Variants in ZSCAN5A observed in about 807,000 individuals in gnomAD.
The protein encoded by ZSCAN5A is zinc finger and SCAN domain containing 5A.
ZSCAN5A carries 12 observed loss-of-function variants against 23.7 expected under a neutral mutation model. That is an observed-to-expected ratio of 0.51 (90% confidence interval 0.32 to 0.82). The LOEUF (loss-of-function observed/expected upper bound fraction) is 0.82. Among genes scored for constraint, ZSCAN5A ranks in the 40% least tolerant of loss-of-function variants. The pLI is 0.03. For missense variants in ZSCAN5A, 597 were observed against 617.9 expected, an observed-to-expected ratio of 0.97 and a Z score of 0.36; for synonymous variants, 257 against 239.9, an observed-to-expected ratio of 1.07 and a Z score of -0.66.
chr19:56,307,771 A>T (rs2040793910), intron 2 of ZSCAN5A, among the ~76,000 whole-genome samples: 1 of 152,246 alleles, frequency 6.6e-6, no homozygotes, highest in Non-Finnish European at 1.5e-5. Context: ...GTGAATAAAA[A>T]TTTCAGTCCA....
At chr19:56,239,048 G>A (rs1166444012) in intron 2 of ZSCAN5A, among the ~76,000 whole-genome samples, 1 of 152,170 alleles carries the variant, frequency 6.6e-6, no homozygotes, top group Non-Finnish European at 1.5e-5. Flanking sequence ...AGAACTTTTT[G>A]GCAAAATGAC....
intron 2 of ZSCAN5A, among the ~76,000 whole-genome samples, chr19:56,277,773 G>A (rs1201316866): frequency 6.6e-6 from 1 of 152,084 alleles, no homozygotes; most frequent in Non-Finnish European, 1.5e-5. Context: ...TGGCAGGGAG[G>A]TGAGGGATGA....
At chr19:56,331,209 G>A (rs1475559622) in intron 2 of ZSCAN5A, among the ~76,000 whole-genome samples, 1 of 152,182 alleles carries the variant, frequency 6.6e-6, no homozygotes, top group Non-Finnish European at 1.5e-5. Flanking sequence ...TTGTGGTACA[G>A]TTTGAAGTCA....
At chr19:56,226,492 G>A (rs1483822186) in intron 2 of ZSCAN5A, among the ~76,000 whole-genome samples, 1 of 152,118 alleles carries the variant, frequency 6.6e-6, no homozygotes, top group South Asian at 2.1e-4. Flanking sequence ...TCATCATCAG[G>A]GACATGCAAA....
intron 2 of ZSCAN5A, among the ~76,000 whole-genome samples, chr19:56,291,412 C>T (rs776607418): frequency 3.3e-5 from 5 of 152,218 alleles, no homozygotes; most frequent in Admixed American, 6.5e-5. Context: ...CATCTCGAGT[C>T]ACCCACCCTG....
intron 2 of ZSCAN5A, among the ~76,000 whole-genome samples, chr19:56,263,870 T>C (rs1160651478): frequency 2.0e-5 from 3 of 152,176 alleles, no homozygotes; most frequent in Non-Finnish European, 2.9e-5. Context: ...ATAAATATTA[T>C]ATGCTATACA....
intron 2 of ZSCAN5A, among the ~76,000 whole-genome samples, chr19:56,339,739 C>T (rs1043032310): frequency 7.7e-5 from 7 of 90,686 alleles, no homozygotes; most frequent in East Asian, 6.4e-4. Flanking sequence ...TGTGAAGGAG[C>T]GGCTGTAGCC....
chr19:56,345,105 CA>C (rs61541169), intron 2 of ZSCAN5A, among the ~76,000 whole-genome samples: 111 of 142,296 alleles, frequency 7.8e-4, no homozygotes, highest in Admixed American at 1.9e-3. Flanking sequence ...GACTACATCT[CA>C]AAAAAAAAAA....
chr19:56,239,533 G>A (rs62122523), intron 2 of ZSCAN5A, among the ~76,000 whole-genome samples: 27,889 of 152,154 alleles, frequency 0.18, 2,628 homozygotes, highest in Middle Eastern at 0.21. Flanking sequence ...CCTGGAGTGA[G>A]TGCAGAGTGG....
At chr19:56,248,426 T>G (rs939576458) in intron 2 of ZSCAN5A, among the ~76,000 whole-genome samples, 6 of 151,890 alleles carry the variant, frequency 4.0e-5, no homozygotes, top group Non-Finnish European at 7.4e-5. Flanking sequence ...TGTCAGCTAA[T>G]TTTTGTATTT....
In ZSCAN5A at chr19:56,224,743, C is replaced by T; in HGVS notation, c.304G>A (p.Val102Ile). The T allele has an allele frequency of 6.2e-7, 1 of 1,600,214 alleles. No homozygotes were observed. Among genetic ancestry groups the T allele is most frequent in the Non-Finnish European group, 8.5e-7 (1 of 1,170,700 alleles). ...FMISMPQELQ[V>I]LVMMNGVQSC... ...TGCACACCGTTCATCATGACTAAGA[C>T]CTGGAGCTCCTGGGGCATGGAGATC... Residue 102 changes from valine to isoleucine, a missense_variant, in exon 3 of 6, where the codon GTC becomes ATC. Val to Ile is a conservative substitution (Grantham distance 29). Around this residue, in one of 5 missense-constraint regions of ZSCAN5A, gnomAD observed 27 missense variants for 93.5 expected, o/e 0.29. Transcript: ENST00000683990.
chr19:56,269,760 G>A (rs1555800790), intron 2 of ZSCAN5A, among the ~76,000 whole-genome samples: 1 of 152,204 alleles, frequency 6.6e-6, no homozygotes, highest in Non-Finnish European at 1.5e-5. Flanking sequence ...CCGACCAGGA[G>A]TCAGGAATGT....
At chr19:56,360,860 G>A (rs1288255333) in intron 2 of ZSCAN5A, among the ~76,000 whole-genome samples, 1 of 152,150 alleles carries the variant, frequency 6.6e-6, no homozygotes, top group Non-Finnish European at 1.5e-5. Context: ...AAACCAAAGA[G>A]CTTCTGCACA....
chr19:56,294,420 C>G (rs1193871313), intron 2 of ZSCAN5A, among the ~76,000 whole-genome samples: 1 of 152,226 alleles, frequency 6.6e-6, no homozygotes, highest in Non-Finnish European at 1.5e-5. Flanking sequence ...TATTTTCCTA[C>G]CTGATTAATG....
chr19:56,226,938 A>T (rs957254341), intron 2 of ZSCAN5A, among the ~76,000 whole-genome samples: 1 of 152,222 alleles, frequency 6.6e-6, no homozygotes, highest in Admixed American at 6.5e-5. Context: ...ACAAAAAAAA[A>T]TTTAAAAAGA....
intron 2 of ZSCAN5A, among the ~76,000 whole-genome samples, chr19:56,264,598 T>G (rs1312029961): frequency 6.6e-6 from 1 of 152,220 alleles, no homozygotes; most frequent in Non-Finnish European, 1.5e-5. Context: ...TATCAGAGGC[T>G]GGCAAACTAT....
intron 2 of ZSCAN5A, among the ~76,000 whole-genome samples, chr19:56,256,140 G>A (rs1334996734): frequency 6.6e-6 from 1 of 152,160 alleles, no homozygotes; most frequent in Non-Finnish European, 1.5e-5. Flanking sequence ...GGATAATGGA[G>A]AATATATGTC....
intron 2 of ZSCAN5A, among the ~76,000 whole-genome samples, chr19:56,354,098 G>C (rs183811680): frequency 1.3e-5 from 2 of 152,210 alleles, no homozygotes; most frequent in African/African-American, 4.8e-5. Flanking sequence ...TATTCATAGA[G>C]AGGGAAAGTA....
chr19:56,343,167 C>T lies in ZSCAN5A; in HGVS notation c.-358+20068G>A. 5.5e-6 allele frequency: 4 copies of T among 724,054 alleles called. No individual in the cohort carries two copies. The Admixed American group carries it at 6.1e-5, about 11-fold the overall frequency. The allele number at this position is 724,054 out of a possible 1,614,324, so 44.9% of individuals were successfully genotyped here. ...TGGTCCTTTATTTCATCTCTAATTG[C>T]TTTATTGAAACTAACTTCAGGTTTC... On this transcript the variant is annotated intron_variant, in intron 2 of 6. Coordinates refer to the ZSCAN5A transcript ENST00000587340.
Sources: allele counts gnomAD v4.1 joint callset (sites outside exome capture counted in the v4.1 genomes callset), GRCh38; gene constraint gnomAD v4.1.1; regional missense constraint gnomAD v4.1.1; transcripts MANE v1.5; gene names NCBI Gene and HGNC (gene_info 2026-07-23, HGNC 2026-07-21).